PPP2R2C: variants seen among roughly 807,000 people sequenced by gnomAD.
PPP2R2C encodes protein phosphatase 2 regulatory subunit Bgamma.
PPP2R2C carries 10 observed loss-of-function variants against 45.3 expected under a neutral mutation model. The ratio of observed to expected loss-of-function variants is 0.22; its 90% CI spans 0.14 to 0.37. The LOEUF is 0.37. Ranked by LOEUF, PPP2R2C falls within the 10% of genes least tolerant of loss-of-function variation. The pLI, the probability that PPP2R2C is intolerant of heterozygous loss-of-function variation, is 1.00. For synonymous variants in PPP2R2C, 257 were observed against 245.4 expected (o/e 1.05, Z -0.44); for missense variants, 308 against 619.7 (o/e 0.50, Z 5.34).
chr4:6,493,475 G>A (rs1722775458), intron 2 of PPP2R2C, among the ~76,000 whole-genome samples: 1 of 151,742 alleles, frequency 6.6e-6, no homozygotes, highest in African/African-American at 2.4e-5. Flanking sequence ...GTGCTGGGGA[G>A]AGGTGGGAGT....
intron 1 of PPP2R2C, among the ~76,000 whole-genome samples, chr4:6,444,013 A>G (rs1028408769): frequency 2.0e-5 from 3 of 152,152 alleles, no homozygotes; most frequent in Admixed American, 6.5e-5. Context: ...AGGTCCAAAC[A>G]ACCCTGGCCC....
chr4:6,476,299 C>T (rs2108774996), upstream of PPP2R2C, among the ~76,000 whole-genome samples: 1 of 152,294 alleles, frequency 6.6e-6, no homozygotes, highest in Middle Eastern at 3.4e-3. Context: ...ATGGACTGAA[C>T]AGCTGTTGAC....
chr4:6,414,074 G>GTT (rs1718393458), intron 1 of PPP2R2C: 5 of 982,484 alleles, frequency 5.1e-6, no homozygotes, highest in East Asian at 3.8e-5. Context: ...TTTTGCCTGT[G>GTT]TATGTGTGTG....
intron 5 of PPP2R2C, chr4:6,349,883 C>CT: frequency 1.0e-6 from 1 of 984,244 alleles, no homozygotes; most frequent in South Asian, 4.7e-5. Flanking sequence ...GGGCAAGACT[C>CT]TGTCAAAAAA....
At chr4:6,462,474 G>A (rs570851829) in intron 1 of PPP2R2C, among the ~76,000 whole-genome samples, 6 of 151,504 alleles carry the variant, frequency 4.0e-5, no homozygotes, top group South Asian at 4.1e-4. Flanking sequence ...GTGAAACTCC[G>A]TCTTAAAAAA....
At chr4:6,434,199 G>A (rs12510934) in intron 1 of PPP2R2C, among the ~76,000 whole-genome samples, 96,649 of 151,988 alleles carry the variant, frequency 0.64, 31,906 homozygotes, top group Non-Finnish European at 0.74. Context: ...GAGCTGTCAC[G>A]TTCTTTTCAT....
rs1715260029 is a variant in PPP2R2C, at chr4:6,375,872, G to C, written c.394C>G (p.Leu132Val). 6.2e-7 allele frequency: 1 copy of C among 1,614,058 alleles called. No homozygotes were observed. Among genetic ancestry groups the C allele is most frequent in the Non-Finnish European group, 8.5e-7 (1 of 1,180,032 alleles). ...TTAAGTTTCCCCTCTTCATCCTTCA[G>C]GTTGTATCCTTCGGGCCTTTTATCT... The part of the protein sequence containing the change: ...ERDKRPEGYN[L>V]KDEEGKLKDL... Residue 132 changes from leucine (L) to valine (V), a missense_variant, in exon 4 of 9, where the codon CTG becomes GTG. Leu to Val is a conservative substitution (Grantham distance 32). Transcript: ENST00000382599.
chr4:6,533,174 T>C (rs1159914910), intron 2 of PPP2R2C, among the ~76,000 whole-genome samples: 1 of 152,158 alleles, frequency 6.6e-6, no homozygotes, highest in Non-Finnish European at 1.5e-5. Flanking sequence ...TCTCAGGCTG[T>C]AAATGAAAGT....
chr4:6,465,427 G>A (rs541147136), intron 1 of PPP2R2C, among the ~76,000 whole-genome samples: 7 of 152,224 alleles, frequency 4.6e-5, no homozygotes, highest in African/African-American at 9.6e-5. Flanking sequence ...CACCAATCAC[G>A]AAAGCCAAGG....
At chr4:6,388,139 C>A (rs765988136) in intron 1 of PPP2R2C, among the ~76,000 whole-genome samples, 4 of 152,202 alleles carry the variant, frequency 2.6e-5, no homozygotes, top group Non-Finnish European at 5.9e-5. Context: ...GCTGTCCTTC[C>A]CCCCCTGAGG....
At chr4:6,491,389 G>A (rs1195818572) in intron 2 of PPP2R2C, among the ~76,000 whole-genome samples, 5 of 152,198 alleles carry the variant, frequency 3.3e-5, no homozygotes, top group Admixed American at 6.5e-5. Context: ...AAGCCAGGGG[G>A]CCATGTAGGG....
At chr4:6,494,872 A>T (rs1722826196) in intron 2 of PPP2R2C, among the ~76,000 whole-genome samples, 2 of 152,206 alleles carry the variant, frequency 1.3e-5, no homozygotes, top group Non-Finnish European at 2.9e-5. Context: ...AAAGGGTTTT[A>T]TTCAGAGAAC....
At chr4:6,375,544 T>G (rs1715229779) in intron 4 of PPP2R2C, among the ~76,000 whole-genome samples, 1 of 152,194 alleles carries the variant, frequency 6.6e-6, no homozygotes, top group South Asian at 2.1e-4. Context: ...ATTATCTGCC[T>G]TGCTCTCCAC....
chr4:6,452,136 A>T (rs550625028), intron 1 of PPP2R2C, among the ~76,000 whole-genome samples: 48 of 152,152 alleles, frequency 3.2e-4, no homozygotes, highest in Non-Finnish European at 5.6e-4. Context: ...CAGCCCCAAG[A>T]GCCTGGACAG....
upstream of PPP2R2C, among the ~76,000 whole-genome samples, chr4:6,473,791 C>T (rs542905353): frequency 5.3e-5 from 8 of 152,296 alleles, no homozygotes; most frequent in African/African-American, 1.7e-4. Context: ...AAGGTGATGC[C>T]GTCTCAGATT....
intron 4 of PPP2R2C, 92 bp from the exon 5 acceptor site, chr4:6,372,792 T>G: frequency 7.5e-7 from 1 of 1,339,690 alleles, no homozygotes; most frequent in Non-Finnish European, 1.1e-6. Context: ...AACCGGAGGC[T>G]GGAACACAGG....
At chr4:6,442,031 C>A (rs1369395733) in intron 1 of PPP2R2C, among the ~76,000 whole-genome samples, 2 of 152,218 alleles carry the variant, frequency 1.3e-5, no homozygotes, top group East Asian at 1.9e-4. Flanking sequence ...CAAAGCCAAA[C>A]GGTGTCCGTG....
At chr4:6,472,009 A>G (rs1397245672) in intron 1 of PPP2R2C, 151 bp downstream of exon 1, 25 of 737,496 alleles carry the variant, frequency 3.4e-5, no homozygotes, top group African/African-American at 4.9e-5. Context: ...GTGGGATGGG[A>G]TGGGGTGGGG....
At chr4:6,561,858 C>G (rs529353443) in intron 1 of PPP2R2C, among the ~76,000 whole-genome samples, 2 of 152,316 alleles carry the variant, frequency 1.3e-5, no homozygotes, top group South Asian at 2.1e-4. Context: ...GCCTGCCTAC[C>G]CCTTTTCTGA....
Sources: allele counts gnomAD v4.1 joint callset (sites outside exome capture counted in the v4.1 genomes callset), GRCh38; gene constraint gnomAD v4.1.1; transcripts MANE v1.5; gene names NCBI Gene and HGNC (gene_info 2026-07-23, HGNC 2026-07-21).